Variants in PAK1 observed in about 807,000 individuals in gnomAD.
PAK1 encodes the protein p21 (RAC1) activated kinase 1.
Under a neutral mutation model 67.4 loss-of-function variants are expected in PAK1, and 29 were observed. The ratio of observed to expected loss-of-function variants is 0.43; its 90% confidence interval spans 0.32 to 0.59. The LOEUF is 0.59. Among genes scored for constraint, PAK1 ranks in the 20% least tolerant of loss-of-function variants. The probability of loss-of-function intolerance (pLI) is 0.07; values close to 1 mark genes in which losing one functional copy is unlikely to be tolerated. For synonymous variants in PAK1, 223 were observed against 237.4 expected (o/e 0.94, Z 0.56); for missense variants, 337 against 670.7 (o/e 0.50, Z 5.50).
At chr11:77,466,231 C>T (rs138069533) in intron 1 of PAK1, among the ~76,000 whole-genome samples, 448 of 152,318 alleles carry the variant, frequency 2.9e-3, no homozygotes, top group African/African-American at 0.01. Context: ...AAATTCAACA[C>T]ATTTATATGA....
Position 77,404,263 on chromosome 11 carries a change from TTTTC to T in PAK1, c.-21-11726_-21-11723del, listed in dbSNP as rs556463826. On this transcript the variant is annotated intron_variant, in intron 1 of 14. Transcript: ENST00000356341. ...CTTTCCTTTAGCTAATGAGCTTACT[TTTTC>T]TTTCTTTTTTTTTTTTCTGAGATGG... Among the ~76,000 whole-genome samples, 30 of 151,604 alleles carry T rather than the reference TTTTC, an allele frequency of 2.0e-4. No individual in the cohort carries two copies. The South Asian group carries it at 5.6e-3, about 28-fold the overall frequency.
rs375718725 is a variant in PAK1 at position 77,342,552 on chromosome 11, A to G, written c.998+1267T>C. ...TTTGCATGAGCTATATTCTCTGTAT[A>G]ATAAGTTCTGAAAGAGATGATAAGG... On this transcript the variant is annotated intron_variant, in intron 10 of 14. Coordinates refer to ENST00000356341, the MANE Select transcript of PAK1 (RefSeq NM_002576.5). Among the ~76,000 whole-genome samples the G allele has an allele frequency of 5.3e-5, 8 of 152,156 alleles. No individual in the cohort carries two copies. The East Asian group carries it at 1.5e-3, about 29-fold the overall frequency.
At chr11:77,522,473 G>T in the PAK1 span, among the ~76,000 whole-genome samples, 1 of 152,150 alleles carries the variant, frequency 6.6e-6, no homozygotes, top group Non-Finnish European at 1.5e-5. Flanking sequence ...GCATCCTGTT[G>T]TGAACATCAC....
At chr11:77,379,752 G>A (rs1288849320) in intron 3 of PAK1, 142 bp downstream of exon 3, 7 of 640,950 alleles carry the variant, frequency 1.1e-5, no homozygotes, top group Non-Finnish European at 1.9e-5. Context: ...CGATGAAAGT[G>A]TCCCACTCAT....
At chr11:77,404,734 C>T (rs1323286871) in intron 1 of PAK1, among the ~76,000 whole-genome samples, 1 of 152,170 alleles carries the variant, frequency 6.6e-6, no homozygotes. Context: ...CTCTCTTATC[C>T]CTGTATTCCT....
chr11:77,410,036 C>T (rs1954263766), intron 1 of PAK1, among the ~76,000 whole-genome samples: 2 of 152,122 alleles, frequency 1.3e-5, no homozygotes, highest in African/African-American at 4.8e-5. Flanking sequence ...GTCCAGGCCA[C>T]CCTCTTCTTC....
intron 1 of PAK1, among the ~76,000 whole-genome samples, chr11:77,437,305 CT>C (rs375202362): frequency 3.4e-4 from 52 of 152,294 alleles, no homozygotes; most frequent in African/African-American, 1.2e-3. Context: ...AAAACATTAA[CT>C]GCTATTAATT....
At chr11:77,381,702 TAC>T (rs1949860652) in intron 2 of PAK1, among the ~76,000 whole-genome samples, 2 of 152,202 alleles carry the variant, frequency 1.3e-5, no homozygotes, top group Non-Finnish European at 2.9e-5. Flanking sequence ...ATGAGATAAA[TAC>T]TACTACTGTC....
At chr11:77,362,581 G>A (rs917735199) in intron 5 of PAK1, among the ~76,000 whole-genome samples, 12 of 152,162 alleles carry the variant, frequency 7.9e-5, no homozygotes, top group South Asian at 6.2e-4. Flanking sequence ...TGAGTTCTGC[G>A]TAAGATATTA....
chr11:77,425,159 T>C (rs1268640805), intron 1 of PAK1, among the ~76,000 whole-genome samples: 2 of 152,034 alleles, frequency 1.3e-5, no homozygotes, highest in African/African-American at 4.8e-5. Context: ...CTTTATAAAC[T>C]CAAAAGTGGC....
chr11:77,489,419 T>C, the PAK1 span, among the ~76,000 whole-genome samples: 118 of 142,726 alleles, frequency 8.3e-4, 4 homozygotes, highest in South Asian at 0.021. Flanking sequence ...TCCTCTCTCC[T>C]CTCTCTCTCC....
chr11:77,360,629 G>C (rs1362258653), intron 5 of PAK1, among the ~76,000 whole-genome samples: 1 of 152,134 alleles, frequency 6.6e-6, no homozygotes, highest in African/African-American at 2.4e-5. Context: ...AAACTGTAGA[G>C]AAGGGGATTT....
At chr11:77,389,047 G>T (rs758756534) in intron 2 of PAK1, among the ~76,000 whole-genome samples, 5 of 152,104 alleles carry the variant, frequency 3.3e-5, no homozygotes, top group Non-Finnish European at 7.4e-5. Context: ...ACTACAAAAA[G>T]AAACCCCACC....
chr11:77,405,670 G>GACACACAC (rs370157407), intron 1 of PAK1, among the ~76,000 whole-genome samples: 175 of 125,638 alleles, frequency 1.4e-3, no homozygotes, highest in African/African-American at 5.5e-3. Context: ...CAGACAGACA[G>GACACACAC]ACAGACACAC....
At chr11:77,381,957 G>C (rs1278250071) in intron 2 of PAK1, among the ~76,000 whole-genome samples, 1 of 152,202 alleles carries the variant, frequency 6.6e-6, no homozygotes, top group South Asian at 2.1e-4. Flanking sequence ...CCTTTATGAC[G>C]TAAGTCCATC....
the PAK1 span, among the ~76,000 whole-genome samples, chr11:77,529,319 T>C: frequency 1.3e-5 from 2 of 152,182 alleles, no homozygotes; most frequent in African/African-American, 4.8e-5. Flanking sequence ...AATTTTTATC[T>C]ATGCTGCAAT....
Position 77,379,923 on chromosome 11 carries a change from C to G in PAK1, c.262G>C (p.Gly88Arg). 1 of 1,613,906 alleles carries G rather than the reference C, an allele frequency of 6.2e-7. No individual in the cohort carries two copies. The highest frequency in any genetic ancestry group is 2.2e-5 in the East Asian group (1 of 44,886). The part of the protein sequence containing the change: ...PSDFEHTIHV[G>R]FDAVTGEFTG... ...AACTCCCCTGTGACAGCATCAAAAC[C>G]GACATGAATTGTGTGTTCAAAATCT... Residue 88 changes from glycine to arginine, a missense_variant, in exon 3 of 15, where the codon GGT becomes CGT. By Grantham distance (125) the Gly-to-Arg change is moderately radical. Coordinates refer to ENST00000356341, the MANE Select transcript of PAK1 (RefSeq NM_002576.5).
chr11:77,456,162 G>A (rs1273840410), intron 1 of PAK1, among the ~76,000 whole-genome samples: 1 of 151,960 alleles, frequency 6.6e-6, no homozygotes, highest in Admixed American at 6.6e-5. Flanking sequence ...TAATTACTAA[G>A]CACTAATAAC....
At position 77,322,277 on chromosome 11, in the gene PAK1, T is replaced by C. The variant is rs146293361; in HGVS notation, c.*997A>G. ...CGGGGTCCCCTCACAGCTGGCAGGG[T>C]ATCATGTCAGGCCACCAAATCCATC... On this transcript the variant is annotated 3_prime_UTR_variant, in exon 15 of 15. Transcript: ENST00000356341. The C allele has an allele frequency of 9.8e-3, 1,920 of 196,340 alleles. 11 individuals carry two copies. The highest frequency in any genetic ancestry group is 0.019 in the Middle Eastern group (11 of 586). 12.2% of individuals were successfully genotyped at this position (196,340 alleles called of 1,614,324 possible).
Sources: gnomAD v4.1 joint callset for allele counts (sites outside exome capture counted in the v4.1 genomes callset) on GRCh38, gnomAD v4.1.1 for gene constraint, MANE v1.5 for transcripts, NCBI Gene and HGNC (gene_info 2026-07-23, HGNC 2026-07-21) for gene names.